The following TBPL1 variants were observed in gnomAD, a reference collection of about 807,000 sequenced individuals.
The protein encoded by TBPL1 is TATA box-binding protein-like 1.
Under a neutral mutation model 22.1 loss-of-function variants are expected in TBPL1, and 4 were observed. The observed-to-expected ratio is 0.18, with a 90% CI of 0.09 to 0.41. TBPL1 has a LOEUF of 0.41. Ranked by LOEUF, TBPL1 falls within the 10% of genes least tolerant of loss-of-function variation. The pLI, the probability that TBPL1 is intolerant of heterozygous loss-of-function variation, is 1.00. For missense variants in TBPL1, 115 were observed against 222.3 expected, an observed-to-expected ratio of 0.52 and a Z score of 3.07; for synonymous variants, 64 against 71.0, an observed-to-expected ratio of 0.90 and a Z score of 0.50.
At chr6:133,972,327 A>G (rs1776237730) in intron 1 of TBPL1, among the ~76,000 whole-genome samples, 1 of 152,262 alleles carries the variant, frequency 6.6e-6, no homozygotes. Context: ...TCTCTCAAAT[A>G]TCTTTTATAC....
At position 133,989,685 on chromosome 6, in the gene TBPL1, C is replaced by T. The variant is rs947490083; in HGVS notation, c.*2645C>T. On this transcript the variant is annotated 3_prime_UTR_variant, in exon 7 of 7. Transcript: ENST00000237264. ...AGATCCAGGCCTTTTAGTCAGTCTC[C>T]TGAGTCTCTGATATAGTTTTACTAC... The T allele has an allele frequency of 1.3e-5, 2 of 152,098 alleles. No homozygotes were observed. The highest frequency in any genetic ancestry group is 4.8e-5 in the African/African-American group (2 of 41,412). The allele number at this position is 152,098 out of a possible 1,614,324, so 9.4% of individuals were successfully genotyped here.
In TBPL1 at chr6:133,988,866, C is replaced by T. The variant is rs1296859356; in HGVS notation, c.*1826C>T. 6.6e-6 allele frequency: 1 copy of T among 152,022 alleles called. No homozygotes were observed. Among genetic ancestry groups the T allele is most frequent in the East Asian group, 1.9e-4 (1 of 5,192 alleles). 9.4% of individuals were successfully genotyped at this position (152,022 alleles called of 1,614,324 possible). On this transcript the variant is annotated 3_prime_UTR_variant, in exon 7 of 7. Transcript: ENST00000237264. ...ACATTTTTCATTTAGTTTTAATTAA[C>T]AGTAATAAGTCACCTCCTGTTTTTC...
intron 1 of TBPL1, among the ~76,000 whole-genome samples, chr6:133,954,524 C>T (rs1775894153): frequency 6.6e-6 from 1 of 152,154 alleles, no homozygotes; most frequent in South Asian, 2.1e-4. Flanking sequence ...TTTATGTTAC[C>T]TCTTTAGTCT....
intron 1 of TBPL1, among the ~76,000 whole-genome samples, chr6:133,972,358 C>T (rs1458641729): frequency 6.6e-6 from 1 of 152,182 alleles, no homozygotes; most frequent in Non-Finnish European, 1.5e-5. Context: ...AAACCGGGAT[C>T]TAATCAAGGA....
chr6:133,968,941 GTGAGGCACCACTCC>G (rs1776170405), intron 1 of TBPL1: 1 of 152,164 alleles, frequency 6.6e-6, no homozygotes, highest in African/African-American at 2.4e-5. Flanking sequence ...GATTACAGGC[GTGAGGCACCACTCC>G]TGGTCAGTAT....
intron 1 of TBPL1, among the ~76,000 whole-genome samples, chr6:133,974,004 CAAAA>C (rs35184454): frequency 8.0e-6 from 1 of 124,612 alleles, no homozygotes; most frequent in Non-Finnish European, 1.7e-5. Context: ...CAGACTTTAC[CAAAA>C]AAAAAAAAAA....
Position 133,963,598 on chromosome 6 carries a change from T to C in TBPL1, c.-45+10173T>C, listed in dbSNP as rs377683710. ...ACCACATCTGGCTAATTTTTGTATT[T>C]TTTTGTCGAGACAGAGTCTCACCAT... On this transcript the variant is annotated intron_variant, in intron 1 of 6. Coordinates refer to ENST00000237264, the MANE Select transcript of TBPL1 (RefSeq NM_004865.4). 7.9e-5 allele frequency among the ~76,000 whole-genome samples: 12 copies of C among 152,272 alleles called. No homozygotes were observed. In the East Asian group the frequency reaches 2.3e-3, roughly 30 times the overall value.
At chr6:133,986,324 A>G (rs1389142390) in intron 6 of TBPL1, among the ~76,000 whole-genome samples, 1 of 152,156 alleles carries the variant, frequency 6.6e-6, no homozygotes, top group Non-Finnish European at 1.5e-5. Context: ...GTTTCTTTTT[A>G]GCGATTTAAA....
chr6:133,963,289 G>A (rs1776055415), intron 1 of TBPL1, among the ~76,000 whole-genome samples: 1 of 152,198 alleles, frequency 6.6e-6, no homozygotes, highest in South Asian at 2.1e-4. Context: ...CAACCCAGTC[G>A]TTCTCAACTG....
intron 1 of TBPL1, among the ~76,000 whole-genome samples, chr6:133,975,116 C>G (rs949905418): frequency 6.6e-6 from 1 of 151,968 alleles, no homozygotes; most frequent in African/African-American, 2.4e-5. Context: ...AAAAAATTCA[C>G]TAGAGAGGAT....
rs1442336660 is a variant in TBPL1, at chr6:133,987,740, T to A, written c.*700T>A. On this transcript the variant is annotated 3_prime_UTR_variant, in exon 7 of 7. Transcript: ENST00000237264. The stretch of plus-strand genomic sequence containing the variant: ...AATAGGAATTTTTTTTCTTGCAGAT[T>A]AGAAATAAAAACGTGTATATAAACT... 6.6e-6 allele frequency: 1 copy of A among 152,240 alleles called. No individual in the cohort carries two copies. The highest frequency in any genetic ancestry group is 2.4e-5 in the African/African-American group (1 of 41,344). The allele number at this position is 152,240 out of a possible 1,614,324, so 9.4% of individuals were successfully genotyped here. A position where few individuals can be genotyped will look rare whatever the true frequency, so the allele number is the denominator to read the frequency against.
At chr6:133,956,358 T>C (rs1032675748) in intron 1 of TBPL1, among the ~76,000 whole-genome samples, 2 of 152,236 alleles carry the variant, frequency 1.3e-5, no homozygotes, top group African/African-American at 4.8e-5. Flanking sequence ...TGTGCAAAGC[T>C]GGATGAGAGA....
At chr6:133,986,312 A>T (rs993307789) in intron 6 of TBPL1, among the ~76,000 whole-genome samples, 2 of 152,274 alleles carry the variant, frequency 1.3e-5, no homozygotes, top group South Asian at 4.1e-4. Context: ...GTCCTTTTTT[A>T]TGTTTCTTTT....
chr6:133,986,801 A>G (rs1245668890), intron 6 of TBPL1, among the ~76,000 whole-genome samples, 160 bp from the exon 7 acceptor site: 1 of 152,128 alleles, frequency 6.6e-6, no homozygotes, highest in Non-Finnish European at 1.5e-5. Context: ...ACTTTTACTT[A>G]TTATGGCTAT....
chr6:133,961,536 T>C (rs1180177599), intron 1 of TBPL1, among the ~76,000 whole-genome samples: 1 of 146,532 alleles, frequency 6.8e-6, no homozygotes, highest in Non-Finnish European at 1.5e-5. Flanking sequence ...TGGTGCAATC[T>C]CGGCTCATTG....
chr6:133,985,007 G>A (rs1776482130), intron 6 of TBPL1, among the ~76,000 whole-genome samples: 1 of 151,828 alleles, frequency 6.6e-6, no homozygotes, highest in Non-Finnish European at 1.5e-5. Context: ...TAGGCCAGGT[G>A]CATTGGTTCA....
At chr6:133,983,936 T>C (rs1456327649) in intron 4 of TBPL1, among the ~76,000 whole-genome samples, 1 of 152,206 alleles carries the variant, frequency 6.6e-6, no homozygotes, top group South Asian at 2.1e-4. Context: ...TTTTGCCTTA[T>C]TGCATATGAG....
At chr6:133,984,109 T>G (rs916395814) in intron 4 of TBPL1, among the ~76,000 whole-genome samples, 2 of 152,200 alleles carry the variant, frequency 1.3e-5, no homozygotes, top group Admixed American at 6.5e-5. Flanking sequence ...ACTTAAAGTA[T>G]TAAAAAATTA....
chr6:133,953,264 G>C lies in TBPL1; in HGVS notation c.-206G>C, dbSNP rs962743194. On this transcript the variant is annotated 5_prime_UTR_variant, in exon 1 of 7. Coordinates refer to ENST00000237264, the MANE Select transcript of TBPL1 (RefSeq NM_004865.4). Reference sequence around the variant, plus strand: ...ACAAAGCAAGGAAGACGGAGTCCGAGCCTCGGGGGCTCCTAGCAACGGGCC... The same window carrying C: ...ACAAAGCAAGGAAGACGGAGTCCGACCCTCGGGGGCTCCTAGCAACGGGCC... 2 of 152,872 alleles carry C rather than the reference G, an allele frequency of 1.3e-5. No individual in the cohort carries two copies. Among genetic ancestry groups the C allele is most frequent in the Admixed American group, 6.5e-5 (1 of 15,290 alleles). The allele number at this position is 152,872 out of a possible 1,614,324, so 9.5% of individuals were successfully genotyped here. A position where few individuals can be genotyped will look rare whatever the true frequency, so the allele number is the denominator to read the frequency against.
Sources: allele counts gnomAD v4.1 joint callset (sites outside exome capture counted in the v4.1 genomes callset), GRCh38; gene constraint gnomAD v4.1.1; transcripts MANE v1.5; gene names NCBI Gene and HGNC (gene_info 2026-07-23, HGNC 2026-07-21).